The following KIF18B variants were observed in gnomAD, a reference collection of about 807,000 sequenced individuals.
KIF18B encodes kinesin-like protein KIF18B.
In KIF18B, 49 loss-of-function variants were observed where a neutral mutation model predicts 80.9. That is an observed-to-expected ratio of 0.61 (90% CI 0.48 to 0.77). KIF18B has a LOEUF of 0.77. Among genes scored for constraint, KIF18B ranks in the 30% least tolerant of loss-of-function variants. The pLI is 0.00. For synonymous variants in KIF18B, 439 were observed against 463.9 expected (o/e 0.95, Z 0.69); for missense variants, 994 against 1,127.7 (o/e 0.88, Z 1.70).
chr17:44,938,161 GC>G (rs1239624892), intron 1 of KIF18B, among the ~76,000 whole-genome samples: 1 of 152,058 alleles, frequency 6.6e-6, no homozygotes, highest in Non-Finnish European at 1.5e-5. Context: ...GATTACAGGT[GC>G]CCGCCGGTGC....
chr17:44,926,179 G>C lies in KIF18B; in HGVS notation c.2460C>G (p.Pro820=). 2.5e-6 allele frequency: 4 copies of C among 1,613,884 alleles called. No homozygotes were observed. Among genetic ancestry groups the C allele is most frequent in the Non-Finnish European group, 2.5e-6 (3 of 1,179,860 alleles). Residue 820 remains proline (P), a synonymous_variant, in exon 16 of 16, where the codon CCC becomes CCG. Transcript: ENST00000593135. ...PAGPLVLPEL[P]LSPLCPSNRR... ...GGTTGCTAGGGCACAGGGGACTCAA[G>C]GGCAGCTCTGCAGGCCAGTTGGATG...
At chr17:44,946,819 C>T (rs994020412) in intron 1 of KIF18B, among the ~76,000 whole-genome samples, 5 of 152,094 alleles carry the variant, frequency 3.3e-5, no homozygotes, top group African/African-American at 1.2e-4. Context: ...TCACTTGTTC[C>T]TTCATTCAAT....
rs781360700 is a variant in KIF18B, at chr17:44,932,061, C to T, written c.1384G>A (p.Glu462Lys). ...SPEDEDEGPA[E>K]EVPTQMPEQN... ...CTCACACCCCCAAGTCCTACCTCCTCAGCTGGGCCTTCATCCTCATCCTCT... is the reference window on the plus strand; with the variant it reads ...CTCACACCCCCAAGTCCTACCTCCTTAGCTGGGCCTTCATCCTCATCCTCT... The change falls in exon 10 of 16, where the codon GAG becomes AAG. Residue 462 changes from glutamate (E) to lysine (K), a missense_variant. Transcript: ENST00000593135. 1 of 1,610,632 alleles carries T rather than the reference C, an allele frequency of 6.2e-7. No individual in the cohort carries two copies. The highest frequency in any genetic ancestry group is 1.1e-5 in the South Asian group (1 of 90,736).
intron 1 of KIF18B, among the ~76,000 whole-genome samples, chr17:44,946,007 G>C (rs1336779374): frequency 6.6e-6 from 1 of 150,842 alleles, no homozygotes; most frequent in Non-Finnish European, 1.5e-5. Context: ...ATAGCTTGAG[G>C]TCAGGAGTTC....
At chr17:44,939,201 T>C (rs1415478680) in intron 1 of KIF18B, among the ~76,000 whole-genome samples, 4 of 151,390 alleles carry the variant, frequency 2.6e-5, no homozygotes, top group Non-Finnish European at 5.9e-5. Flanking sequence ...TGAAACCCTG[T>C]CTCTACTAAA....
At chr17:44,937,437 T>C (rs2145723648) in intron 1 of KIF18B, among the ~76,000 whole-genome samples, 1 of 152,340 alleles carries the variant, frequency 6.6e-6, no homozygotes, top group East Asian at 1.9e-4. Context: ...TAAGATTTTA[T>C]AGTTTTCTAT....
chr17:44,931,966 G>C, intron 10 of KIF18B, 90 bp downstream of exon 10: 1 of 1,399,918 alleles, frequency 7.1e-7, no homozygotes, highest in Non-Finnish European at 9.7e-7. Flanking sequence ...CGGGACTAAA[G>C]GGACTCTGAG....
intron 1 of KIF18B, among the ~76,000 whole-genome samples, chr17:44,941,240 T>C (rs1224853701): frequency 1.3e-5 from 2 of 152,226 alleles, no homozygotes; most frequent in Admixed American, 6.5e-5. Flanking sequence ...ATCATTGTAA[T>C]AGTCCCTTAT....
intron 1 of KIF18B, among the ~76,000 whole-genome samples, chr17:44,937,873 T>C (rs2052339212): frequency 1.3e-5 from 2 of 152,216 alleles, no homozygotes; most frequent in Admixed American, 6.5e-5. Context: ...ATTAGTTTTA[T>C]ACAAGTAGTC....
Position 44,936,268 on chromosome 17 carries a change from C to T in KIF18B, c.77G>A (p.Arg26Gln), listed in dbSNP as rs745643879. The T allele has an allele frequency of 3.1e-6, 5 of 1,610,850 alleles. No homozygotes were observed. Among genetic ancestry groups the T allele is most frequent in the Admixed American group, 3.3e-5 (2 of 59,706 alleles). The change falls in exon 2 of 16, where the codon CGG becomes CAG. Residue 26 changes from arginine to glutamine, a missense_variant. Transcript: ENST00000593135. ...GTCCACCACCTGAACCACTGGCCGCCGCTGACTGTCCAGCTCCCGAGGGGT... is the reference window on the plus strand; with the variant it reads ...GTCCACCACCTGAACCACTGGCCGCTGCTGACTGTCCAGCTCCCGAGGGGT... ...PPTPRELDSQ[R>Q]RPVVQVVDER...
At chr17:44,928,690 G>T (rs2052083738) in intron 12 of KIF18B, 112 bp from the exon 13 acceptor site, 1 of 1,379,524 alleles carries the variant, frequency 7.2e-7, no homozygotes, top group Admixed American at 2.7e-5. Context: ...AGAAGTCTAG[G>T]ATCCCAGGGG....
In KIF18B at chr17:44,925,994, G is replaced by A; in HGVS notation, c.*86C>T. On this transcript the variant is annotated 3_prime_UTR_variant, in exon 16 of 16. Coordinates refer to ENST00000593135, the MANE Select transcript of KIF18B (RefSeq NM_001265577.2). The stretch of plus-strand genomic sequence containing the variant: ...GGTAAGGAAGGCAGGTCCAGCTCCT[G>A]GTGCAGGTGGCTACAGGTCCAAGAG... 1 of 1,431,912 alleles carries A rather than the reference G, an allele frequency of 7.0e-7. No homozygotes were observed. The highest frequency in any genetic ancestry group is 9.8e-7 in the Non-Finnish European group (1 of 1,021,728). 88.7% of individuals were successfully genotyped at this position (1,431,912 alleles called of 1,614,324 possible).
chr17:44,938,257 C>A (rs184404154), intron 1 of KIF18B, among the ~76,000 whole-genome samples: 14 of 152,338 alleles, frequency 9.2e-5, no homozygotes, highest in Non-Finnish European at 4.4e-5. Flanking sequence ...CTCAGGTGAT[C>A]TGCCCACCTT....
chr17:44,932,318 G>A, intron 9 of KIF18B, 112 bp from the exon 10 acceptor site: 1 of 1,261,738 alleles, frequency 7.9e-7, no homozygotes, highest in Non-Finnish European at 1.1e-6. Context: ...GATCTCTGTG[G>A]CACCCAGGTC....
At chr17:44,936,807 T>A (rs2052322305) in intron 1 of KIF18B, among the ~76,000 whole-genome samples, 1 of 146,900 alleles carries the variant, frequency 6.8e-6, no homozygotes, top group Non-Finnish European at 1.5e-5. Context: ...GCCTGGCTAA[T>A]TTTTTTTTGT....
At chr17:44,939,620 A>C (rs2145732616) in intron 1 of KIF18B, among the ~76,000 whole-genome samples, 1 of 152,228 alleles carries the variant, frequency 6.6e-6, no homozygotes, top group Non-Finnish European at 1.5e-5. Context: ...TTTATAGATT[A>C]ATATGAGGAA....
At chr17:44,941,490 C>A (rs868725312) in intron 1 of KIF18B, among the ~76,000 whole-genome samples, 2 of 152,122 alleles carry the variant, frequency 1.3e-5, no homozygotes, top group Non-Finnish European at 2.9e-5. Context: ...AGGCGCCCAC[C>A]ATTACGGCCA....
intron 1 of KIF18B, among the ~76,000 whole-genome samples, chr17:44,939,044 C>CA (rs71363506): frequency 0.091 from 12,154 of 132,904 alleles, 593 homozygotes; most frequent in Middle Eastern, 0.25. Flanking sequence ...AACTCCATCT[C>CA]AAAAAAAAAA....
In KIF18B at chr17:44,931,612, G is replaced by A. The variant is rs368013505; in HGVS notation, c.1507C>T (p.Arg503Cys). 1.8e-5 allele frequency: 29 copies of A among 1,613,840 alleles called. No individual in the cohort carries two copies. In the East Asian group the frequency reaches 2.9e-4, roughly 16 times the overall value. The change falls in exon 11 of 16, where the codon CGT becomes TGT. Residue 503 changes from arginine to cysteine, a missense_variant. Transcript: ENST00000593135. ...HFSARELDGD[R>C]SKQLALKVLC... is the part of the protein sequence containing the mutation. ...CAAGAAGATACCTACTGCTTAGAAC[G>A]GTCCCCATCCAGTTCCCGTGCTGAG...
Sources: allele counts gnomAD v4.1 joint callset (sites outside exome capture counted in the v4.1 genomes callset), GRCh38; gene constraint gnomAD v4.1.1; transcripts MANE v1.5; gene names NCBI Gene and HGNC (gene_info 2026-07-23, HGNC 2026-07-21).